PATJ: variants seen among roughly 807,000 people sequenced by gnomAD.
PATJ encodes PATJ crumbs cell polarity complex component, also known as inaD-like protein.
Under a neutral mutation model 224.9 loss-of-function variants are expected in PATJ, and 190 were observed. The ratio of observed to expected loss-of-function variants is 0.84; its 90% CI spans 0.75 to 0.95. PATJ has a LOEUF of 0.95. Ranked by LOEUF, PATJ falls within the 40% of genes least tolerant of loss-of-function variation. The pLI, the probability that PATJ is intolerant of heterozygous loss-of-function variation, is 0.00. For missense variants in PATJ, 2,121 were observed against 2,270.3 expected, an observed-to-expected ratio of 0.93 and a Z score of 1.34; for synonymous variants, 769 against 820.3, an observed-to-expected ratio of 0.94 and a Z score of 1.07.
chr1:61,800,871 G>T (rs1652334347), intron 11 of PATJ, among the ~76,000 whole-genome samples: 1 of 152,088 alleles, frequency 6.6e-6, no homozygotes. Flanking sequence ...CAGAATGATG[G>T]TTTCCAGCTT....
intron 42 of PATJ, 77 bp downstream of exon 42, chr1:62,148,467 AC>A: frequency 2.0e-6 from 2 of 1,012,786 alleles, no homozygotes; most frequent in Non-Finnish European, 3.1e-6. Flanking sequence ...ACTCAAGTGC[AC>A]TCTAAAGGAG....
At chr1:62,144,088 A>G (rs1376515285) in intron 41 of PATJ, among the ~76,000 whole-genome samples, 2 of 152,088 alleles carry the variant, frequency 1.3e-5, no homozygotes, top group African/African-American at 4.8e-5. Context: ...AAGAGGAGAG[A>G]CTTTTCGGGG....
chr1:62,017,990 C>A, intron 29 of PATJ, 43 bp downstream of exon 29: 2 of 1,039,114 alleles, frequency 1.9e-6, no homozygotes, highest in Non-Finnish European at 1.5e-6. Context: ...AAGACCTCTT[C>A]TGAAGATGTT....
rs528876608 is a variant in PATJ, at chr1:61,814,792, C to T, written c.1683+6262C>T. The stretch of plus-strand genomic sequence containing the variant: ...GAGATTTTAACTAACCAGTCAAAAC[C>T]GATTTTACAGACAAGAGGATAGTAA... On this transcript the variant is annotated intron_variant, in intron 14 of 43. Coordinates refer to ENST00000642238, the MANE Select transcript of PATJ (RefSeq NM_001350145.3). Among the ~76,000 whole-genome samples the T allele has an allele frequency of 5.1e-4, 77 of 152,110 alleles. 1 individual carries two copies. Among genetic ancestry groups the T allele is most frequent in the South Asian group, 1.5e-3 (7 of 4,824 alleles).
intron 26 of PATJ, among the ~76,000 whole-genome samples, chr1:61,917,631 G>A (rs1673633198): frequency 6.6e-6 from 1 of 151,948 alleles, no homozygotes; most frequent in Non-Finnish European, 1.5e-5. Flanking sequence ...TTCCATCCAT[G>A]GTCATGAGTG....
At chr1:62,087,415 G>T (rs1347337526) in intron 33 of PATJ, among the ~76,000 whole-genome samples, 1 of 151,932 alleles carries the variant, frequency 6.6e-6, no homozygotes, top group Non-Finnish European at 1.5e-5. Flanking sequence ...TTTGGGAAAA[G>T]CAACATTCGA....
chr1:61,973,395 G>A (rs540397355), intron 27 of PATJ, among the ~76,000 whole-genome samples: 1 of 152,168 alleles, frequency 6.6e-6, no homozygotes, highest in Admixed American at 6.5e-5. Context: ...TTCCTAAGCA[G>A]GTATGCAGAG....
At chr1:62,112,767 C>G (rs746024299) in intron 34 of PATJ, among the ~76,000 whole-genome samples, 43 of 152,226 alleles carry the variant, frequency 2.8e-4, no homozygotes, top group Non-Finnish European at 5.1e-4. Context: ...CAAGGTTACT[C>G]TGCTCCTCGA....
At chr1:62,067,123 C>CTTTTTTT (rs11381578) in intron 31 of PATJ, among the ~76,000 whole-genome samples, 10 of 116,446 alleles carry the variant, frequency 8.6e-5, no homozygotes, top group Non-Finnish European at 1.1e-4. Flanking sequence ...CCTATTCTTT[C>CTTTTTTT]TTTTTTTTTT....
intron 42 of PATJ, 129 bp from the exon 43 acceptor site, chr1:62,153,229 T>C: frequency 1.6e-6 from 1 of 606,540 alleles, no homozygotes; most frequent in South Asian, 9.0e-5. Flanking sequence ...TTCTGAGAGT[T>C]TGATCTGATA....
At chr1:61,909,585 G>T (rs1211511986) in intron 25 of PATJ, among the ~76,000 whole-genome samples, 2 of 152,022 alleles carry the variant, frequency 1.3e-5, no homozygotes, top group African/African-American at 4.8e-5. Context: ...CAATCTTACT[G>T]CCTTAGCCTC....
chr1:61,839,488 G>C (rs973920847), intron 17 of PATJ, among the ~76,000 whole-genome samples: 1 of 151,834 alleles, frequency 6.6e-6, no homozygotes, highest in Non-Finnish European at 1.5e-5. Context: ...ATGAAACAAT[G>C]ATTAGGTAGT....
chr1:61,914,043 T>C (rs992213178), intron 25 of PATJ, among the ~76,000 whole-genome samples: 2 of 152,388 alleles, frequency 1.3e-5, no homozygotes, highest in African/African-American at 4.8e-5. Context: ...TTTAGAGTTA[T>C]GTATCTTCTC....
intron 27 of PATJ, among the ~76,000 whole-genome samples, chr1:61,953,072 C>A (rs531475806): frequency 2.2e-4 from 34 of 152,300 alleles, no homozygotes; most frequent in Admixed American, 2.1e-3. Flanking sequence ...TTACCACTGA[C>A]TTCCTTGTTA....
At chr1:61,957,844 T>C (rs1680655795) in intron 27 of PATJ, among the ~76,000 whole-genome samples, 1 of 152,166 alleles carries the variant, frequency 6.6e-6, no homozygotes, top group Non-Finnish European at 1.5e-5. Flanking sequence ...GAATCAGGTG[T>C]GAGTTCAAGG....
intron 28 of PATJ, among the ~76,000 whole-genome samples, chr1:62,017,060 G>C (rs1646807393): frequency 6.6e-6 from 1 of 152,166 alleles, no homozygotes; most frequent in South Asian, 2.1e-4. Context: ...CTGAATTTAA[G>C]GATTTTTGAT....
chr1:62,048,704 T>A (rs543472207), intron 30 of PATJ, among the ~76,000 whole-genome samples: 23 of 152,264 alleles, frequency 1.5e-4, no homozygotes, highest in African/African-American at 5.5e-4. Context: ...TAGGGTAGTA[T>A]TTTTAATCTG....
chr1:62,011,574 C>T (rs74079609), intron 28 of PATJ, among the ~76,000 whole-genome samples: 5,798 of 151,970 alleles, frequency 0.038, 288 homozygotes, highest in African/African-American at 0.11. Flanking sequence ...CACATATCGC[C>T]ATAACAGACA....
intron 42 of PATJ, among the ~76,000 whole-genome samples, chr1:62,152,238 G>T (rs1335872219): frequency 1.3e-5 from 2 of 152,178 alleles, no homozygotes; most frequent in African/African-American, 4.8e-5. Flanking sequence ...CTCAATGTAG[G>T]GGAAGCACAG....
Sources: allele counts gnomAD v4.1 joint callset (sites outside exome capture counted in the v4.1 genomes callset), GRCh38; gene constraint gnomAD v4.1.1; transcripts MANE v1.5; gene names NCBI Gene and HGNC (gene_info 2026-07-23, HGNC 2026-07-21).